The following CFAP92 variants were observed in gnomAD, a reference collection of about 807,000 sequenced individuals.
The protein encoded by CFAP92 is cilia and flagella associated protein 92 (putative).
CFAP92 carries 86 observed loss-of-function variants against 106.3 expected under a neutral mutation model. That is an observed-to-expected ratio of 0.81 (90% CI 0.68 to 0.97). The LOEUF (loss-of-function observed/expected upper bound fraction) is 0.97. CFAP92 is among the 50% of genes least tolerant of loss of function. The pLI, the probability that CFAP92 is intolerant of heterozygous loss-of-function variation, is 0.00. For synonymous variants in CFAP92, 477 were observed against 506.4 expected, an observed-to-expected ratio of 0.94 and a Z score of 0.78; for missense variants, 1,204 against 1,283.8, an observed-to-expected ratio of 0.94 and a Z score of 0.95.
intron 4 of CFAP92, among the ~76,000 whole-genome samples, chr3:128,981,938 T>C (rs2107802098): frequency 6.6e-6 from 1 of 152,348 alleles, no homozygotes; most frequent in African/African-American, 2.4e-5. Flanking sequence ...AGATGTGCTG[T>C]CATCCAGGCT....
chr3:128,998,316 A>T (rs1944557678), upstream of CFAP92, among the ~76,000 whole-genome samples: 1 of 152,140 alleles, frequency 6.6e-6, no homozygotes, highest in African/African-American at 2.4e-5. Flanking sequence ...CCGATTCATC[A>T]TTTTTTTCTT....
At chr3:128,982,329 C>A (rs1943584946) in intron 4 of CFAP92, among the ~76,000 whole-genome samples, 2 of 152,240 alleles carry the variant, frequency 1.3e-5, no homozygotes, top group African/African-American at 4.8e-5. Flanking sequence ...CCAATCTCTG[C>A]TAGCTTCAAA....
intron 12 of CFAP92, 52 bp from the exon 13 acceptor site, chr3:128,916,323 A>G: frequency 1.7e-6 from 2 of 1,154,236 alleles, no homozygotes; most frequent in African/African-American, 1.6e-5. Flanking sequence ...CTCACCCCCC[A>G]TGCCAGCTCA....
intron 12 of CFAP92, among the ~76,000 whole-genome samples, chr3:128,926,444 G>A (rs570112173): frequency 6.6e-6 from 1 of 152,312 alleles, no homozygotes; most frequent in African/African-American, 2.4e-5. Flanking sequence ...GAACCCAGGA[G>A]GCAGAAGTTG....
chr3:129,010,259 A>G, the CFAP92 span, among the ~76,000 whole-genome samples: 1,341 of 152,274 alleles, frequency 8.8e-3, 22 homozygotes, highest in African/African-American at 0.03. The surrounding 1 kb of genome is among the most constrained non-coding windows in gnomAD (Gnocchi z 4.3). Context: ...CCATATCTCA[A>G]CCAGTTGCCT....
chr3:128,981,557 C>G (rs13062464), intron 4 of CFAP92, among the ~76,000 whole-genome samples: 1 of 150,284 alleles, frequency 6.7e-6, no homozygotes, highest in Non-Finnish European at 1.5e-5. Flanking sequence ...TCTCAAATTC[C>G]TGACCTCAGG....
intron 2 of CFAP92, chr3:128,991,497 CA>C (rs1310239281): frequency 1.3e-5 from 2 of 153,962 alleles, no homozygotes; most frequent in African/African-American, 4.8e-5. Flanking sequence ...CGTGCACCAG[CA>C]AAATAGCAGA....
chr3:128,936,285 G>A (rs1939011380), intron 10 of CFAP92, among the ~76,000 whole-genome samples: 1 of 152,242 alleles, frequency 6.6e-6, no homozygotes, highest in African/African-American at 2.4e-5. Flanking sequence ...CTTTTGTGAA[G>A]TATTGGTTTG....
At chr3:129,005,697 G>A (rs1945044513), upstream of CFAP92, among the ~76,000 whole-genome samples, 1 of 152,250 alleles carries the variant, frequency 6.6e-6, no homozygotes, top group Non-Finnish European at 1.5e-5. Context: ...CAGAAGGGGT[G>A]GCCTTGAACC....
At chr3:128,925,223 ACC>A (rs1937569967) in intron 12 of CFAP92, among the ~76,000 whole-genome samples, 1 of 152,148 alleles carries the variant, frequency 6.6e-6, no homozygotes, top group Non-Finnish European at 1.5e-5. Flanking sequence ...AAACTGTTCC[ACC>A]TCAGCTCATC....
chr3:128,946,360 C>T (rs1487799862), intron 9 of CFAP92, among the ~76,000 whole-genome samples: 3 of 152,100 alleles, frequency 2.0e-5, no homozygotes, highest in Non-Finnish European at 4.4e-5. Context: ...CTCTGTTTTC[C>T]AAATATATAT....
At chr3:128,961,402 A>G (rs530433298) in intron 9 of CFAP92, among the ~76,000 whole-genome samples, 3 of 151,302 alleles carry the variant, frequency 2.0e-5, no homozygotes, top group East Asian at 1.9e-4. Flanking sequence ...TCCCCTCCTC[A>G]CCAGGCCGAG....
chr3:129,015,314 G>A, the CFAP92 span, among the ~76,000 whole-genome samples: 26 of 152,076 alleles, frequency 1.7e-4, no homozygotes, highest in African/African-American at 6.3e-4. Context: ...ACTCTTTAGG[G>A]AGGCCCCACC....
intron 1 of CFAP92, chr3:129,002,385 G>T: frequency 3.4e-6 from 5 of 1,474,742 alleles, no homozygotes; most frequent in Non-Finnish European, 4.5e-6. Flanking sequence ...ACTAAAAGCT[G>T]GCTGGCTGCG....
rs1421564122 is a variant in CFAP92 at position 128,915,252 on chromosome 3, A to C, written c.3147T>G (p.Phe1049Leu). The change falls in exon 15 of 16, where the codon TTT (phenylalanine) becomes TTG (leucine). Residue 1049 changes from phenylalanine to leucine, a missense_variant. By Grantham distance (22) the Phe-to-Leu change is conservative (BLOSUM62 0). Coordinates refer to ENST00000645291, the MANE Select transcript of CFAP92 (RefSeq NM_001394090.1). ...LNEEWKENSL[F>L]ANVLEPVLDR... ...CCAACACAGGCTCCAGTACATTAGC[A>C]AACAGGGAGTTTTCCTTCCACTCCT... 8 of 1,536,024 alleles carry C rather than the reference A, an allele frequency of 5.2e-6. No individual in the cohort carries two copies. In the African/African-American group the frequency reaches 9.6e-5, roughly 18 times the overall value.
intron 11 of CFAP92, among the ~76,000 whole-genome samples, chr3:128,933,861 C>G (rs943752323): frequency 1.3e-5 from 2 of 152,174 alleles, no homozygotes; most frequent in East Asian, 3.9e-4. Context: ...GCCTCTTAGC[C>G]CCGACCAAGT....
chr3:128,910,385 C>T (rs1258932564), intron 15 of CFAP92, 52 bp from the exon 16 acceptor site: 1 of 1,446,540 alleles, frequency 6.9e-7, no homozygotes, highest in Non-Finnish European at 9.1e-7. Context: ...GTGCCCCTAC[C>T]CCCAGCAAGG....
Position 128,945,985 on chromosome 3 carries a change from A to C in CFAP92, c.1354-10T>G. ...CAGGCATGCACAGCCTCTACGAGAG[A>C]GCAGGGCCACAGCAGGTCACCCAGC... is the stretch of plus-strand genomic sequence containing the variant. On this transcript the variant is annotated splice_polypyrimidine_tract_variant and intron_variant, in intron 9 of 15. Transcript: ENST00000645291. 1 of 1,421,496 alleles carries C rather than the reference A, an allele frequency of 7.0e-7. No homozygotes were observed. The highest frequency in any genetic ancestry group is 1.6e-5 in the South Asian group (1 of 63,382). 88.1% of individuals were successfully genotyped at this position (1,421,496 alleles called of 1,614,324 possible). A position where few individuals can be genotyped will look rare whatever the true frequency, so the allele number is the denominator to read the frequency against.
chr3:129,013,273 T>A, the CFAP92 span, among the ~76,000 whole-genome samples: 12 of 152,186 alleles, frequency 7.9e-5, no homozygotes, highest in Non-Finnish European at 4.4e-5. Flanking sequence ...AATAAAAGTA[T>A]GCTTCCTTTG....
Sources: gnomAD v4.1 joint callset for allele counts (sites outside exome capture counted in the v4.1 genomes callset) on GRCh38, gnomAD v4.1.1 for gene constraint, Gnocchi (gnomAD v3.1) non-coding constraint, MANE v1.5 for transcripts, NCBI Gene and HGNC (gene_info 2026-07-23, HGNC 2026-07-21) for gene names.